TMTC2: variants seen among roughly 807,000 people sequenced by gnomAD.
TMTC2 encodes transmembrane O-mannosyltransferase targeting cadherins 2, also known as protein O-mannosyl-transferase TMTC2.
A neutral mutation model predicts 82.4 loss-of-function variants in TMTC2; 43 were observed. The observed-to-expected ratio is 0.52, with a 90% CI of 0.41 to 0.67. The LOEUF is 0.67. Among genes scored for constraint, TMTC2 ranks in the 30% least tolerant of loss-of-function variants. TMTC2 has a pLI of 0.00. For synonymous variants in TMTC2, 408 were observed against 381.9 expected, an observed-to-expected ratio of 1.07 and a Z score of -0.80; for missense variants, 919 against 1,012.4, an observed-to-expected ratio of 0.91 and a Z score of 1.25.
At chr12:82,862,964 TCTGA>T (rs1871625386) in intron 2 of TMTC2, among the ~76,000 whole-genome samples, 2 of 152,328 alleles carry the variant, frequency 1.3e-5, no homozygotes, top group East Asian at 1.9e-4. Flanking sequence ...TTTCTGTACT[TCTGA>T]CTATTTTGTG....
intron 1 of TMTC2, among the ~76,000 whole-genome samples, chr12:82,748,384 G>A (rs1875799974): frequency 6.6e-6 from 1 of 152,268 alleles, no homozygotes; most frequent in Non-Finnish European, 1.5e-5. Flanking sequence ...ATCTCTTCTG[G>A]TAGGTAGTTA....
rs545633127 is a variant in TMTC2 at position 82,763,160 on chromosome 12, A to C, written c.83+75491A>C. On this transcript the variant is annotated intron_variant, in intron 1 of 11. Coordinates refer to ENST00000321196, the MANE Select transcript of TMTC2 (RefSeq NM_152588.3). ...ATCCCTAAACACTGTAAAGCAGACAAAGTTAAACAGATATTCAAGCATAGA... is the reference window on the plus strand; with the variant it reads ...ATCCCTAAACACTGTAAAGCAGACACAGTTAAACAGATATTCAAGCATAGA... Among the ~76,000 whole-genome samples, 6 of 150,500 alleles carry C rather than the reference A, an allele frequency of 4.0e-5. No homozygotes were observed. In the South Asian group the frequency reaches 1.3e-3, roughly 32 times the overall value.
At chr12:83,015,311 G>T (rs192315613) in intron 8 of TMTC2, among the ~76,000 whole-genome samples, 5 of 152,246 alleles carry the variant, frequency 3.3e-5, no homozygotes, top group Admixed American at 3.3e-4. Flanking sequence ...TGTTGTGCAA[G>T]GAATGATGTC....
intron 8 of TMTC2, among the ~76,000 whole-genome samples, chr12:83,017,141 G>A (rs1218635754): frequency 1.3e-5 from 2 of 152,150 alleles, no homozygotes; most frequent in African/African-American, 4.8e-5. Flanking sequence ...TCTTTGTTAA[G>A]AGTGTCTTAG....
chr12:82,776,927 C>T (rs1027920139), intron 1 of TMTC2, among the ~76,000 whole-genome samples: 1 of 152,092 alleles, frequency 6.6e-6, no homozygotes, highest in Non-Finnish European at 1.5e-5. Flanking sequence ...GACACAGACC[C>T]CATCTCTAAA....
chr12:83,051,420 T>A (rs1592717473), intron 10 of TMTC2, among the ~76,000 whole-genome samples: 1 of 152,120 alleles, frequency 6.6e-6, no homozygotes, highest in East Asian at 1.9e-4. Flanking sequence ...CTGGTCTATG[T>A]GCACCATGTG....
At chr12:82,888,952 A>T (rs547320811) in intron 2 of TMTC2, among the ~76,000 whole-genome samples, 1 of 152,298 alleles carries the variant, frequency 6.6e-6, no homozygotes, top group East Asian at 1.9e-4. Context: ...TTAATTATAA[A>T]ATAATAGCTT....
intron 2 of TMTC2, among the ~76,000 whole-genome samples, chr12:82,863,348 A>G (rs761700512): frequency 5.9e-5 from 9 of 152,122 alleles, no homozygotes; most frequent in Non-Finnish European, 2.9e-5. Flanking sequence ...TCTGATCACA[A>G]TATTTCTTAG....
intron 1 of TMTC2, among the ~76,000 whole-genome samples, chr12:82,733,732 A>C (rs748923625): frequency 6.6e-6 from 1 of 152,196 alleles, no homozygotes; most frequent in Non-Finnish European, 1.5e-5. Flanking sequence ...GACACTGGAG[A>C]TACTTTATCT....
chr12:83,070,949 A>G (rs749394988), intron 11 of TMTC2, among the ~76,000 whole-genome samples: 8 of 152,214 alleles, frequency 5.3e-5, no homozygotes, highest in Admixed American at 6.5e-5. Flanking sequence ...TGAGATAATC[A>G]CGTGATTTTT....
chr12:83,095,459 C>T (rs1883996592), intron 11 of TMTC2, among the ~76,000 whole-genome samples: 1 of 151,982 alleles, frequency 6.6e-6, no homozygotes, highest in Non-Finnish European at 1.5e-5. Flanking sequence ...CCAGGATGGT[C>T]TTGGTCTCCT....
At chr12:83,075,182 T>A (rs1007265587) in intron 11 of TMTC2, among the ~76,000 whole-genome samples, 8 of 152,130 alleles carry the variant, frequency 5.3e-5, no homozygotes, top group African/African-American at 7.2e-5. Context: ...GAGGAGGGTC[T>A]CCCTTTCCTA....
At chr12:82,835,198 A>G (rs758436364) in intron 1 of TMTC2, among the ~76,000 whole-genome samples, 3 of 152,170 alleles carry the variant, frequency 2.0e-5, no homozygotes, top group Non-Finnish European at 4.4e-5. Context: ...TATTATCACT[A>G]TTAGTCCTGA....
intron 2 of TMTC2, among the ~76,000 whole-genome samples, chr12:82,882,814 T>A (rs1360697648): frequency 6.6e-6 from 1 of 151,976 alleles, no homozygotes; most frequent in Non-Finnish European, 1.5e-5. Flanking sequence ...TCCCAGCACT[T>A]TGGGAGGCCG....
At chr12:82,877,241 G>A (rs1248801658) in intron 2 of TMTC2, among the ~76,000 whole-genome samples, 1 of 152,106 alleles carries the variant, frequency 6.6e-6, no homozygotes, top group East Asian at 1.9e-4. Flanking sequence ...TTAAAAATTA[G>A]ATTAAAAATA....
rs1882755048 is a variant in TMTC2, at chr12:83,061,845, T to TA, written c.2331+16dup. On this transcript the variant is annotated intron_variant, in intron 11 of 11. Coordinates refer to ENST00000321196, the MANE Select transcript of TMTC2 (RefSeq NM_152588.3). ...CTGAGGCCTAATGTAAGTACTTCCCTAATGAGAAACATTTTCAGAGGGATA... is the reference window on the plus strand; with the variant it reads ...CTGAGGCCTAATGTAAGTACTTCCCTAAATGAGAAACATTTTCAGAGGGATA... The TA allele has an allele frequency of 2.5e-6, 4 of 1,568,868 alleles. No individual in the cohort carries two copies. The South Asian group carries it at 5.0e-5, about 19-fold the overall frequency.
At chr12:83,012,222 T>C (rs2137388247) in intron 8 of TMTC2, among the ~76,000 whole-genome samples, 1 of 152,240 alleles carries the variant, frequency 6.6e-6, no homozygotes, top group African/African-American at 2.4e-5. Flanking sequence ...GCAGTAAGTA[T>C]TTGTTGAACA....
chr12:82,717,220 T>TAA, intron 1 of TMTC2, among the ~76,000 whole-genome samples: 1 of 102,706 alleles, frequency 9.7e-6, no homozygotes, highest in Middle Eastern at 5.0e-3. Context: ...AAAAGGCACT[T>TAA]TTTTTTTTTT....
At chr12:82,977,120 G>C (rs1470068061) in intron 7 of TMTC2, among the ~76,000 whole-genome samples, 1 of 151,946 alleles carries the variant, frequency 6.6e-6, no homozygotes, top group Non-Finnish European at 1.5e-5. Flanking sequence ...GGGAGAGGGA[G>C]TTTGAATAAA....
Sources: allele counts gnomAD v4.1 joint callset (sites outside exome capture counted in the v4.1 genomes callset), GRCh38; gene constraint gnomAD v4.1.1; transcripts MANE v1.5; gene names NCBI Gene and HGNC (gene_info 2026-07-23, HGNC 2026-07-21).